MYO18B: variants seen among roughly 807,000 people sequenced by gnomAD.
The protein encoded by MYO18B is myosin XVIIIB.
In MYO18B, 204 loss-of-function variants were observed where a neutral mutation model predicts 273.0. That is an observed-to-expected ratio of 0.75 (90% confidence interval 0.67 to 0.84). The LOEUF is 0.84. MYO18B is among the 40% of genes least tolerant of loss of function. The pLI, the probability that MYO18B is intolerant of heterozygous loss-of-function variation, is 0.00. For synonymous variants in MYO18B, 1,330 were observed against 1,305.7 expected (o/e 1.02, Z -0.40); for missense variants, 3,212 against 3,287.6 (o/e 0.98, Z 0.56).
At chr22:25,776,471 G>A (rs538384469) in intron 7 of MYO18B, among the ~76,000 whole-genome samples, 40 of 152,258 alleles carry the variant, frequency 2.6e-4, no homozygotes, top group Non-Finnish European at 4.6e-4. Context: ...GGTGGTGCAC[G>A]CCTTAATCCC....
chr22:25,896,438 T>C (rs1476034012), intron 28 of MYO18B: 3 of 152,218 alleles, frequency 2.0e-5, no homozygotes, highest in Non-Finnish European at 4.4e-5. Context: ...CACAAACCTC[T>C]ATCCTAAAGG....
chr22:25,924,297 G>A (rs1332741006), intron 34 of MYO18B, among the ~76,000 whole-genome samples: 1 of 152,148 alleles, frequency 6.6e-6, no homozygotes, highest in African/African-American at 2.4e-5. Flanking sequence ...GGAAGAGGGA[G>A]CTAACTTTGC....
Position 25,917,545 on chromosome 22 carries a change from G to GGGGTGTGTGTGTGTGTGTGTGT in MYO18B, c.5365-3711_5365-3710insGGTGTGTGTGTGTGTGTGTGTG, listed in dbSNP as rs1555944183. ...CTATTTCATTTTAAAGCTTTGTAGGGGTGTGTGTGTGTGTGTGTGTGTGTG... is the reference window on the plus strand; with the variant it reads ...CTATTTCATTTTAAAGCTTTGTAGGGGGGTGTGTGTGTGTGTGTGTGTGTGTGTGTGTGTGTGTGTGTGTGTG... On this transcript the variant is annotated intron_variant, in intron 33 of 43. Transcript: ENST00000335473. Among the ~76,000 whole-genome samples the GGGGTGTGTGTGTGTGTGTGTGT allele has an allele frequency of 7.0e-5, 10 of 142,244 alleles. No homozygotes were observed. In the East Asian group the frequency reaches 2.0e-3, roughly 29 times the overall value. 93.3% of individuals were successfully genotyped at this position (142,244 alleles called of 152,430 possible).
chr22:25,762,232 G>A (rs1045527699), intron 2 of MYO18B, among the ~76,000 whole-genome samples: 3 of 152,204 alleles, frequency 2.0e-5, no homozygotes, highest in African/African-American at 7.2e-5. Flanking sequence ...TCTGTCCCTG[G>A]GCAGAGGTCT....
At chr22:25,890,132 A>G (rs1266475324) in intron 25 of MYO18B, among the ~76,000 whole-genome samples, 3 of 152,254 alleles carry the variant, frequency 2.0e-5, no homozygotes, top group Non-Finnish European at 4.4e-5. Flanking sequence ...GCCATATTTT[A>G]TAAGTTTATG....
At chr22:25,966,060 C>T (rs947407511) in intron 39 of MYO18B, among the ~76,000 whole-genome samples, 23 of 152,316 alleles carry the variant, frequency 1.5e-4, no homozygotes, top group African/African-American at 5.5e-4. Context: ...GATGCAATCA[C>T]ATCTCCTGGA....
At chr22:26,017,504 G>C (rs111345326) in intron 42 of MYO18B, among the ~76,000 whole-genome samples, 1 of 151,866 alleles carries the variant, frequency 6.6e-6, no homozygotes, top group Non-Finnish European at 1.5e-5. Context: ...ATTTTCTAAC[G>C]TATCAGTATC....
chr22:25,853,536 T>C (rs1179003217), intron 21 of MYO18B, among the ~76,000 whole-genome samples: 1 of 152,220 alleles, frequency 6.6e-6, no homozygotes, highest in Non-Finnish European at 1.5e-5. Flanking sequence ...GTAGCAGTCT[T>C]CGTTCATGGG....
At chr22:25,957,686 C>G (rs1377496088) in intron 39 of MYO18B, among the ~76,000 whole-genome samples, 1 of 152,178 alleles carries the variant, frequency 6.6e-6, no homozygotes, top group East Asian at 1.9e-4. Flanking sequence ...GGAAGAGCAT[C>G]CTTCCTTGCC....
In MYO18B at chr22:25,955,178, G is replaced by GGTCC; in HGVS notation, c.5971_5974dup (p.Leu1992ArgfsTer101). On this transcript the variant is annotated frameshift_variant and splice_region_variant. Transcript: ENST00000335473. LOFTEE classifies it high-confidence loss of function. ...TGGGCATGTGTCTCTGCCCCTCCCA[G>GGTCC]GTCCTGGTGATCCGGCTTCGGGACA... is the stretch of plus-strand genomic sequence containing the variant. The GGTCC allele has an allele frequency of 6.2e-7, 1 of 1,601,052 alleles. No individual in the cohort carries two copies. The highest frequency in any genetic ancestry group is 8.5e-7 in the Non-Finnish European group (1 of 1,172,834).
intron 6 of MYO18B, 67 bp downstream of exon 6, chr22:25,771,051 C>A: frequency 9.1e-7 from 1 of 1,103,974 alleles, no homozygotes; most frequent in Non-Finnish European, 1.3e-6. Flanking sequence ...GCTCCATACC[C>A]TCCTTCCCCA....
At chr22:25,881,722 CA>C (rs1162630178) in intron 25 of MYO18B, among the ~76,000 whole-genome samples, 3 of 152,232 alleles carry the variant, frequency 2.0e-5, no homozygotes, top group Non-Finnish European at 4.4e-5. Context: ...CTGAACCAAG[CA>C]AACAAATGCC....
chr22:25,992,388 C>T lies in MYO18B; in HGVS notation c.6182C>T (p.Ala2061Val). 1 of 1,614,034 alleles carries T rather than the reference C, an allele frequency of 6.2e-7. No homozygotes were observed. Among genetic ancestry groups the T allele is most frequent in the South Asian group, 1.1e-5 (1 of 91,080 alleles). The change falls in exon 40 of 44, where the codon GCA (alanine) becomes GTA (valine). Residue 2061 changes from alanine to valine, a missense_variant. Physicochemically the swap from Ala to Val is moderately conservative, Grantham distance 64. Transcript: ENST00000335473. ...ELEKYVEELA[A>V]VRQTLQTDLE... is the part of the protein sequence containing the mutation. ...GAGAAGTACGTGGAGGAACTTGCAG[C>T]AGTGAGGCAAACCCTCCAGACAGAC...
intron 42 of MYO18B, among the ~76,000 whole-genome samples, chr22:26,015,209 A>G (rs1935219643): frequency 6.6e-6 from 1 of 152,332 alleles, no homozygotes; most frequent in South Asian, 2.1e-4. Context: ...TTAAGTATTT[A>G]ATCCATCTTG....
At chr22:25,954,564 T>G (rs1472887811) in intron 38 of MYO18B, among the ~76,000 whole-genome samples, 1 of 152,132 alleles carries the variant, frequency 6.6e-6, no homozygotes, top group Non-Finnish European at 1.5e-5. Context: ...GGTACTATCA[T>G]CATCCCTGTC....
intron 21 of MYO18B, among the ~76,000 whole-genome samples, chr22:25,862,466 T>C (rs974108340): frequency 6.6e-6 from 1 of 152,234 alleles, no homozygotes; most frequent in African/African-American, 2.4e-5. Context: ...CCTTGCATCC[T>C]GAAGGACTTC....
intron 12 of MYO18B, among the ~76,000 whole-genome samples, chr22:25,800,931 G>A (rs77928433): frequency 0.015 from 2,312 of 152,290 alleles, 40 homozygotes; most frequent in African/African-American, 0.046. Flanking sequence ...CCTATCCCAC[G>A]TTATAAATTA....
intron 7 of MYO18B, among the ~76,000 whole-genome samples, chr22:25,774,593 C>T (rs1158946401): frequency 6.6e-6 from 1 of 152,216 alleles, no homozygotes; most frequent in Non-Finnish European, 1.5e-5. Context: ...CGGCACTGGT[C>T]CGCACCCTTC....
At chr22:26,036,801 G>C in the MYO18B span, among the ~76,000 whole-genome samples, 1 of 152,336 alleles carries the variant, frequency 6.6e-6, no homozygotes, top group African/African-American at 2.4e-5. Flanking sequence ...GTCCCTTAAA[G>C]CACAGTGGCC....
Sources: gnomAD v4.1 joint callset for allele counts (sites outside exome capture counted in the v4.1 genomes callset) on GRCh38, gnomAD v4.1.1 for gene constraint, MANE v1.5 for transcripts, NCBI Gene and HGNC (gene_info 2026-07-23, HGNC 2026-07-21) for gene names.